PDE1C: variants seen among roughly 807,000 people sequenced by gnomAD.
PDE1C encodes the protein phosphodiesterase 1C, also known as dual specificity calcium/calmodulin-dependent 3',5'-cyclic nucleotide phosphodiesterase 1C.
Under a neutral mutation model 93.1 loss-of-function variants are expected in PDE1C, and 62 were observed. The ratio of observed to expected loss-of-function variants is 0.67; its 90% CI spans 0.54 to 0.82. PDE1C has a LOEUF of 0.82. Among genes scored for constraint, PDE1C ranks in the 40% least tolerant of loss-of-function variants. The pLI is 0.00. For synonymous variants in PDE1C, 325 were observed against 310.1 expected (o/e 1.05, Z -0.50); for missense variants, 742 against 884.6 (o/e 0.84, Z 2.04).
chr7:32,136,616 G>GT (rs1217341569), intron 3 of PDE1C, among the ~76,000 whole-genome samples: 2 of 152,094 alleles, frequency 1.3e-5, no homozygotes. Flanking sequence ...ACCTTCCTTG[G>GT]ATTTTATACT....
the PDE1C span, among the ~76,000 whole-genome samples, chr7:31,702,128 T>A: frequency 6.6e-6 from 1 of 152,194 alleles, no homozygotes; most frequent in Non-Finnish European, 1.5e-5. Flanking sequence ...AGTTTAGTCA[T>A]TCTACAGGTT....
the PDE1C span, chr7:31,692,326 C>A: frequency 1.2e-6 from 1 of 855,444 alleles, no homozygotes; most frequent in Non-Finnish European, 1.8e-6. Context: ...AGGTGCTCAA[C>A]AAATATATTT....
intron 2 of PDE1C, among the ~76,000 whole-genome samples, chr7:31,901,613 T>C (rs1017822538): frequency 4.0e-5 from 6 of 151,234 alleles, no homozygotes; most frequent in African/African-American, 1.2e-4. Flanking sequence ...ACTTATTATA[T>C]AATTTAACAT....
At chr7:31,922,859 A>G (rs1050599407) in intron 2 of PDE1C, among the ~76,000 whole-genome samples, 23 of 152,206 alleles carry the variant, frequency 1.5e-4, no homozygotes, top group African/African-American at 5.1e-4. Context: ...TTCTCATTAC[A>G]AAGTCCTTGA....
At chr7:31,929,558 T>C (rs949039005) in intron 2 of PDE1C, among the ~76,000 whole-genome samples, 3 of 152,040 alleles carry the variant, frequency 2.0e-5, no homozygotes, top group Non-Finnish European at 4.4e-5. Context: ...CCTCAGCAAA[T>C]GCAAAAGAAT....
intron 2 of PDE1C, among the ~76,000 whole-genome samples, chr7:31,957,849 G>A (rs1235153525): frequency 1.3e-5 from 2 of 152,078 alleles, no homozygotes; most frequent in African/African-American, 4.8e-5. Flanking sequence ...TAGCAACCAG[G>A]ATCTGATTTG....
chr7:32,322,404 C>T (rs1177510070), intron 1 of PDE1C, among the ~76,000 whole-genome samples: 1 of 152,026 alleles, frequency 6.6e-6, no homozygotes, highest in African/African-American at 2.4e-5. Context: ...GAGTTTGAGA[C>T]GAGCTTGGGC....
chr7:32,030,802 CT>C (rs1276184843), intron 2 of PDE1C, among the ~76,000 whole-genome samples: 1 of 152,088 alleles, frequency 6.6e-6, no homozygotes, highest in Non-Finnish European at 1.5e-5. Context: ...ACCTCCTTCT[CT>C]CCTCAAGGAA....
At chr7:31,732,667 T>C in the PDE1C span, among the ~76,000 whole-genome samples, 1 of 104,048 alleles carries the variant, frequency 9.6e-6, no homozygotes, top group Non-Finnish European at 2.3e-5. Context: ...TGTGTGTGTG[T>C]GTGTGTGTGT....
intron 3 of PDE1C, among the ~76,000 whole-genome samples, chr7:32,107,032 A>G (rs1461805263): frequency 6.6e-6 from 1 of 151,872 alleles, no homozygotes; most frequent in Non-Finnish European, 1.5e-5. Flanking sequence ...AAAACAGTGT[A>G]AAAGAAATGA....
At chr7:32,365,637 C>T (rs924450471) in intron 1 of PDE1C, among the ~76,000 whole-genome samples, 2 of 152,162 alleles carry the variant, frequency 1.3e-5, no homozygotes, top group South Asian at 2.1e-4. Flanking sequence ...AGGCAAGCTC[C>T]CAGGCCAACT....
intron 2 of PDE1C, among the ~76,000 whole-genome samples, chr7:31,939,241 G>T (rs527426654): frequency 2.8e-4 from 42 of 152,188 alleles, no homozygotes; most frequent in African/African-American, 1.0e-3. Flanking sequence ...AGGAGGAGGA[G>T]GAGGAGAAGG....
chr7:31,733,223 C>T, the PDE1C span, among the ~76,000 whole-genome samples: 2 of 152,200 alleles, frequency 1.3e-5, no homozygotes, highest in Admixed American at 1.3e-4. Flanking sequence ...ACCTGGGTAA[C>T]ATCTGCGGCC....
chr7:32,305,407 T>G (rs1245320664), intron 1 of PDE1C, among the ~76,000 whole-genome samples: 2 of 152,220 alleles, frequency 1.3e-5, no homozygotes, highest in African/African-American at 2.4e-5. Context: ...CCCTCTTTCC[T>G]GAGCAATCCT....
intron 16 of PDE1C, among the ~76,000 whole-genome samples, chr7:31,808,693 T>C (rs75098864): frequency 3.1e-3 from 465 of 152,074 alleles, no homozygotes; most frequent in African/African-American, 0.011. Context: ...AAAAAACTTA[T>C]AAATACATTA....
intron 2 of PDE1C, among the ~76,000 whole-genome samples, chr7:31,891,805 T>TACACAC (rs70989620): frequency 3.5e-3 from 506 of 146,134 alleles, no homozygotes; most frequent in African/African-American, 0.011. Flanking sequence ...AATGCATTCA[T>TACACAC]ACACACACAC....
intron 1 of PDE1C, among the ~76,000 whole-genome samples, chr7:32,378,271 T>C (rs1405450047): frequency 6.6e-6 from 1 of 152,192 alleles, no homozygotes; most frequent in Non-Finnish European, 1.5e-5. Context: ...AGAAAGATTC[T>C]TCTCAAATGC....
chr7:32,145,690 T>C (rs1459841290), intron 3 of PDE1C, among the ~76,000 whole-genome samples: 1 of 152,140 alleles, frequency 6.6e-6, no homozygotes, highest in Admixed American at 6.5e-5. Context: ...GTGCCTTGAA[T>C]TTTATAGCCC....
chr7:32,324,954 G>C lies in PDE1C; in HGVS notation c.310+102868C>G, dbSNP rs181936598. ...ACAGAGGAAGGCCCTATCTCAAAAA[G>C]AGAAAGATGCTGATGCACTCTGTGA... is the stretch of plus-strand genomic sequence containing the variant. On this transcript the variant is annotated intron_variant, in intron 1 of 1. Transcript: ENST00000672256. Among the ~76,000 whole-genome samples, 150 of 152,202 alleles carry C rather than the reference G, an allele frequency of 9.9e-4. 3 individuals are homozygous for C. In the East Asian group the frequency reaches 0.01, roughly 11 times the overall value.
Sources: gnomAD v4.1 joint callset for allele counts (sites outside exome capture counted in the v4.1 genomes callset) on GRCh38, gnomAD v4.1.1 for gene constraint, MANE v1.5 for transcripts, NCBI Gene and HGNC (gene_info 2026-07-23, HGNC 2026-07-21) for gene names.